Variants in NBEA observed in about 807,000 individuals in gnomAD.
NBEA encodes lysosomal-trafficking regulator 2.
NBEA carries 44 observed loss-of-function variants against 343.4 expected under a neutral mutation model. That is an observed-to-expected ratio of 0.13 (90% CI 0.10 to 0.16). The LOEUF is 0.16. Among genes scored for constraint, NBEA ranks in the 10% least tolerant of loss-of-function variants. NBEA has a pLI of 1.00. For missense variants in NBEA, 2,555 were observed against 3,631.3 expected (o/e 0.70, Z 7.62); for synonymous variants, 1,175 against 1,238.7 (o/e 0.95, Z 1.08).
At chr13:35,250,634 A>G (rs557463797) in intron 34 of NBEA, among the ~76,000 whole-genome samples, 128 of 152,334 alleles carry the variant, frequency 8.4e-4, no homozygotes, top group Non-Finnish European at 1.5e-3. Context: ...GTAAATGTAC[A>G]TTGACTCAGC....
At chr13:35,085,962 G>T (rs2064736749) in intron 10 of NBEA, among the ~76,000 whole-genome samples, 1 of 152,084 alleles carries the variant, frequency 6.6e-6, no homozygotes, top group Admixed American at 6.6e-5. Flanking sequence ...CAAATCATGA[G>T]TGAACTCCCA....
chr13:35,448,535 T>C (rs1458351973), intron 39 of NBEA, among the ~76,000 whole-genome samples: 1 of 152,210 alleles, frequency 6.6e-6, no homozygotes, highest in Non-Finnish European at 1.5e-5. Context: ...TTTATACATT[T>C]ATTCAGGATT....
chr13:35,551,653 T>A (rs1371365920), intron 43 of NBEA, among the ~76,000 whole-genome samples: 2 of 152,134 alleles, frequency 1.3e-5, no homozygotes, highest in East Asian at 3.8e-4. Flanking sequence ...TAAAAGTGGC[T>A]TAAACTATAG....
chr13:35,484,369 C>A (rs1269257729), intron 41 of NBEA, among the ~76,000 whole-genome samples: 5 of 150,886 alleles, frequency 3.3e-5, no homozygotes, highest in Non-Finnish European at 5.9e-5. Context: ...CAACCTTAAC[C>A]TGCATTTGAT....
intron 49 of NBEA, among the ~76,000 whole-genome samples, chr13:35,629,650 G>T (rs983451730): frequency 6.6e-6 from 1 of 152,126 alleles, no homozygotes; most frequent in Non-Finnish European, 1.5e-5. Flanking sequence ...TGAAATGGCT[G>T]GTGAAATAAG....
At chr13:35,162,399 C>G (rs1381052883) in intron 23 of NBEA, among the ~76,000 whole-genome samples, 1 of 152,134 alleles carries the variant, frequency 6.6e-6, no homozygotes, top group Non-Finnish European at 1.5e-5. Context: ...CTTAAATGAT[C>G]TAGCACAACA....
At chr13:35,056,481 A>G (rs1378389767) in intron 7 of NBEA, among the ~76,000 whole-genome samples, 1 of 152,158 alleles carries the variant, frequency 6.6e-6, no homozygotes, top group African/African-American at 2.4e-5. Context: ...AGTCACTATT[A>G]TTAATTACAT....
intron 33 of NBEA, among the ~76,000 whole-genome samples, chr13:35,216,757 TCA>T (rs1416737205): frequency 6.6e-6 from 1 of 152,006 alleles, no homozygotes; most frequent in African/African-American, 2.4e-5. Context: ...TTTTTATTTC[TCA>T]GTCATATTCT....
At chr13:35,347,475 T>C (rs185473048) in intron 36 of NBEA, among the ~76,000 whole-genome samples, 1 of 152,200 alleles carries the variant, frequency 6.6e-6, no homozygotes, top group East Asian at 1.9e-4. Flanking sequence ...CTGAAACCAC[T>C]TCTTAAGCTT....
intron 40 of NBEA, among the ~76,000 whole-genome samples, chr13:35,466,880 A>G (rs2075407161): frequency 6.6e-6 from 1 of 152,200 alleles, no homozygotes; most frequent in Admixed American, 6.5e-5. Context: ...AGACTTTGCT[A>G]CTATGATTTT....
intron 34 of NBEA, among the ~76,000 whole-genome samples, chr13:35,271,846 T>C (rs552177874): frequency 5.3e-5 from 8 of 152,240 alleles, no homozygotes; most frequent in African/African-American, 1.9e-4. Flanking sequence ...CCAAGAAATA[T>C]GGGACTATGT....
intron 17 of NBEA, among the ~76,000 whole-genome samples, chr13:35,138,183 A>G (rs111547940): frequency 0.015 from 2,286 of 152,162 alleles, 60 homozygotes; most frequent in African/African-American, 0.052. Context: ...CAAATTGACT[A>G]TTTTTCTGAT....
intron 28 of NBEA, 26 bp downstream of exon 28, chr13:35,177,129 T>G: frequency 6.7e-7 from 1 of 1,500,106 alleles, no homozygotes. Flanking sequence ...TTGGTTTCCC[T>G]GAAATAAACC....
intron 34 of NBEA, among the ~76,000 whole-genome samples, chr13:35,285,265 C>A (rs1481106169): frequency 6.6e-6 from 1 of 151,958 alleles, no homozygotes; most frequent in Non-Finnish European, 1.5e-5. Flanking sequence ...CCTGTCTCCA[C>A]GAAAATTACA....
intron 10 of NBEA, among the ~76,000 whole-genome samples, chr13:35,084,920 A>C (rs1014195051): frequency 1.3e-5 from 2 of 152,176 alleles, no homozygotes; most frequent in Non-Finnish European, 2.9e-5. Flanking sequence ...GATCCCACAG[A>C]AATACAATCT....
At chr13:35,217,668 A>C (rs1447990221) in intron 33 of NBEA, among the ~76,000 whole-genome samples, 1 of 152,046 alleles carries the variant, frequency 6.6e-6, no homozygotes, top group Non-Finnish European at 1.5e-5. Context: ...TTTAAGGCAA[A>C]TTTAGAGAGG....
At chr13:35,435,461 G>A (rs1209889767) in intron 39 of NBEA, among the ~76,000 whole-genome samples, 1 of 152,006 alleles carries the variant, frequency 6.6e-6, no homozygotes, top group Non-Finnish European at 1.5e-5. Flanking sequence ...GAAATACAAC[G>A]GAGTAGTTAG....
At chr13:35,408,380 A>G (rs2043392986) in intron 38 of NBEA, among the ~76,000 whole-genome samples, 1 of 152,240 alleles carries the variant, frequency 6.6e-6, no homozygotes, top group African/African-American at 2.4e-5. Flanking sequence ...TTACAGACTT[A>G]AATGTAAAAC....
intron 38 of NBEA, among the ~76,000 whole-genome samples, chr13:35,415,061 C>T (rs957666989): frequency 6.6e-6 from 1 of 152,128 alleles, no homozygotes; most frequent in Non-Finnish European, 1.5e-5. Context: ...ATATCCTTTG[C>T]CCACTTTTTG....
Sources: allele counts gnomAD v4.1 joint callset (sites outside exome capture counted in the v4.1 genomes callset), GRCh38; gene constraint gnomAD v4.1.1; transcripts MANE v1.5; gene names NCBI Gene and HGNC (gene_info 2026-07-23, HGNC 2026-07-21).